MTUS2: variants seen among roughly 807,000 people sequenced by gnomAD.
MTUS2 encodes microtubule associated scaffold protein 2, also known as microtubule-associated tumor suppressor candidate 2.
In MTUS2, 40 loss-of-function variants were observed where a neutral mutation model predicts 114.1. The observed-to-expected ratio is 0.35, with a 90% CI of 0.27 to 0.46. The LOEUF (loss-of-function observed/expected upper bound fraction) is 0.46, where lower values mean the gene tolerates loss of function less well. MTUS2 is among the 20% of genes least tolerant of loss of function. The pLI, the probability that MTUS2 is intolerant of heterozygous loss-of-function variation, is 1.00. For missense variants in MTUS2, 1,679 were observed against 1,705.4 expected (o/e 0.98, Z 0.27); for synonymous variants, 688 against 672.0 (o/e 1.02, Z -0.37).
chr13:28,976,845 AC>A (rs1593349965), intron 2 of MTUS2, among the ~76,000 whole-genome samples: 2 of 152,322 alleles, frequency 1.3e-5, no homozygotes, highest in East Asian at 3.9e-4. Flanking sequence ...GGAATAAGAT[AC>A]AAAATAATCT....
intron 2 of MTUS2, among the ~76,000 whole-genome samples, chr13:29,023,423 T>G (rs1369493858): frequency 6.6e-6 from 1 of 152,250 alleles, no homozygotes. Context: ...GGTTGACTTT[T>G]GCCAGTTTCT....
intron 5 of MTUS2, among the ~76,000 whole-genome samples, chr13:29,196,602 A>C (rs1894713745): frequency 6.6e-6 from 1 of 152,126 alleles, no homozygotes; most frequent in South Asian, 2.1e-4. Flanking sequence ...CCTTTTACAC[A>C]TGAAACACTA....
chr13:28,858,928 A>G (rs1197695764), intron 2 of MTUS2, among the ~76,000 whole-genome samples: 1 of 152,170 alleles, frequency 6.6e-6, no homozygotes, highest in Admixed American at 6.5e-5. Context: ...ACACTCCCTG[A>G]ACTGAGCTGC....
chr13:28,859,594 C>T (rs893439260), intron 2 of MTUS2, among the ~76,000 whole-genome samples: 5 of 152,080 alleles, frequency 3.3e-5, no homozygotes, highest in South Asian at 4.1e-4. Flanking sequence ...AACTCAGTGT[C>T]GTGTAGAGTA....
chr13:29,029,161 G>A (rs796899257), intron 3 of MTUS2, among the ~76,000 whole-genome samples: 3 of 152,300 alleles, frequency 2.0e-5, no homozygotes, highest in African/African-American at 7.2e-5. Flanking sequence ...CTCTGGGCCT[G>A]CCAACAGGCC....
chr13:29,178,355 TTG>T (rs1406281427), intron 5 of MTUS2, among the ~76,000 whole-genome samples: 1 of 152,140 alleles, frequency 6.6e-6, no homozygotes, highest in African/African-American at 2.4e-5. Flanking sequence ...TTAAAGTGAA[TTG>T]TAATGAATTT....
At chr13:29,412,180 TGTTTA>T (rs1377012931) in intron 8 of MTUS2, among the ~76,000 whole-genome samples, 2 of 152,246 alleles carry the variant, frequency 1.3e-5, no homozygotes, top group East Asian at 3.8e-4. Context: ...ATTCTTCTAT[TGTTTA>T]CACATTCAGT....
chr13:29,059,829 A>G (rs1414090732), intron 4 of MTUS2, among the ~76,000 whole-genome samples: 1 of 152,218 alleles, frequency 6.6e-6, no homozygotes, highest in Non-Finnish European at 1.5e-5. Context: ...AAGCTCTAGC[A>G]TATGTTGCCC....
chr13:29,267,101 G>T (rs1188526791), intron 5 of MTUS2, among the ~76,000 whole-genome samples: 2 of 152,198 alleles, frequency 1.3e-5, no homozygotes, highest in African/African-American at 4.8e-5. Flanking sequence ...GGCTAACCTG[G>T]TGCCCATCAC....
At chr13:29,500,812 C>CACAG (rs1429170083) in intron 14 of MTUS2, among the ~76,000 whole-genome samples, 1 of 133,314 alleles carries the variant, frequency 7.5e-6, no homozygotes, top group Non-Finnish European at 1.7e-5. Context: ...CACACACACA[C>CACAG]ACACACACAC....
At chr13:29,397,091 A>G (rs1873963630) in intron 8 of MTUS2, among the ~76,000 whole-genome samples, 1 of 152,188 alleles carries the variant, frequency 6.6e-6, no homozygotes, top group African/African-American at 2.4e-5. Flanking sequence ...GACCATATCA[A>G]AATGACTGTA....
At chr13:29,405,983 C>T (rs537917473) in intron 8 of MTUS2, among the ~76,000 whole-genome samples, 3 of 152,206 alleles carry the variant, frequency 2.0e-5, no homozygotes, top group East Asian at 1.9e-4. Flanking sequence ...TCACATGATC[C>T]GCCCGCCTCA....
intron 2 of MTUS2, among the ~76,000 whole-genome samples, chr13:28,881,079 A>G (rs1184364136): frequency 1.3e-5 from 2 of 152,170 alleles, no homozygotes. Context: ...CCCAGCAGCC[A>G]TGTAGTGGAC....
At chr13:28,856,328 G>A (rs1247958668) in intron 2 of MTUS2, among the ~76,000 whole-genome samples, 1 of 152,214 alleles carries the variant, frequency 6.6e-6, no homozygotes, top group Non-Finnish European at 1.5e-5. Flanking sequence ...CATATGTAGG[G>A]AAGTCCCAGA....
chr13:29,047,034 C>T (rs1887654358), intron 4 of MTUS2, among the ~76,000 whole-genome samples: 1 of 152,196 alleles, frequency 6.6e-6, no homozygotes, highest in Admixed American at 6.5e-5. Context: ...CAGGTGTGCT[C>T]TCACGGTGAC....
At chr13:28,856,056 C>G (rs920602015) in intron 2 of MTUS2, among the ~76,000 whole-genome samples, 3 of 151,996 alleles carry the variant, frequency 2.0e-5, no homozygotes. Flanking sequence ...ATCTATGTAC[C>G]CTGGAAAGAT....
intron 8 of MTUS2, among the ~76,000 whole-genome samples, chr13:29,360,690 C>CA (rs1491252367): frequency 1.7e-4 from 1 of 5,942 alleles, no homozygotes; most frequent in Non-Finnish European, 4.7e-4. Flanking sequence ...AGCCGAACAC[C>CA]CCCCCCCCCC....
chr13:29,308,364 C>T (rs955273518), intron 6 of MTUS2, among the ~76,000 whole-genome samples: 13 of 152,092 alleles, frequency 8.5e-5, no homozygotes, highest in Middle Eastern at 3.4e-3. Context: ...TGCAGAAAAA[C>T]GAAAATGGAC....
intron 5 of MTUS2, among the ~76,000 whole-genome samples, chr13:29,254,561 A>G (rs890903474): frequency 6.6e-6 from 1 of 152,154 alleles, no homozygotes; most frequent in African/African-American, 2.4e-5. Flanking sequence ...GATGCCAGAA[A>G]CTCATAGCCT....
Sources: gnomAD v4.1 joint callset for allele counts (sites outside exome capture counted in the v4.1 genomes callset) on GRCh38, gnomAD v4.1.1 for gene constraint, MANE v1.5 for transcripts, NCBI Gene and HGNC (gene_info 2026-07-23, HGNC 2026-07-21) for gene names.